ATF6: variants seen among roughly 807,000 people sequenced by gnomAD.
The protein encoded by ATF6 is cyclic AMP-dependent transcription factor ATF-6 alpha.
Under a neutral mutation model 83.6 loss-of-function variants are expected in ATF6, and 53 were observed. The observed-to-expected ratio is 0.63, with a 90% CI of 0.51 to 0.80. The LOEUF (loss-of-function observed/expected upper bound fraction) is 0.80. Among genes scored for constraint, ATF6 ranks in the 30% least tolerant of loss-of-function variants. ATF6 has a pLI of 0.00. For missense variants in ATF6, 744 were observed against 797.9 expected, an observed-to-expected ratio of 0.93 and a Z score of 0.81; for synonymous variants, 288 against 285.8, an observed-to-expected ratio of 1.01 and a Z score of -0.08.
intron 3 of ATF6, among the ~76,000 whole-genome samples, chr1:161,782,794 C>T (rs1009407523): frequency 9.5e-5 from 4 of 42,192 alleles, no homozygotes; most frequent in East Asian, 1.2e-3. Context: ...CTGGTTTTAT[C>T]GTTTGACAAA....
At chr1:161,864,392 G>A (rs1686948401) in intron 14 of ATF6, among the ~76,000 whole-genome samples, 1 of 152,114 alleles carries the variant, frequency 6.6e-6, no homozygotes, top group South Asian at 2.1e-4. Context: ...TATACAGGCG[G>A]CTCTGTAACC....
chr1:161,930,978 C>T (rs951955267), intron 15 of ATF6, among the ~76,000 whole-genome samples: 52 of 151,908 alleles, frequency 3.4e-4, no homozygotes, highest in Non-Finnish European at 8.8e-5. Flanking sequence ...CTGCAACCTT[C>T]GCCTCCCAGG....
chr1:161,813,888 CT>C (rs879715945), intron 7 of ATF6, among the ~76,000 whole-genome samples: 235 of 142,790 alleles, frequency 1.6e-3, no homozygotes, highest in Non-Finnish European at 1.6e-3. Flanking sequence ...TCTTTTCTTT[CT>C]TTTTTTTTTT....
intron 9 of ATF6, among the ~76,000 whole-genome samples, chr1:161,837,110 A>T (rs1043304450): frequency 2.0e-5 from 3 of 152,220 alleles, no homozygotes; most frequent in African/African-American, 7.2e-5. Context: ...GTGCTGCAGA[A>T]CATAAATAAT....
intron 14 of ATF6, among the ~76,000 whole-genome samples, chr1:161,888,152 A>G (rs993061061): frequency 7.9e-5 from 12 of 152,382 alleles, no homozygotes; most frequent in African/African-American, 2.4e-4. Context: ...AAAGGATTTC[A>G]TATTCTATCA....
At chr1:161,867,415 AAAGTT>A (rs1438011221) in intron 14 of ATF6, among the ~76,000 whole-genome samples, 1 of 152,210 alleles carries the variant, frequency 6.6e-6, no homozygotes, top group African/African-American at 2.4e-5. Flanking sequence ...AAGCTCAAAT[AAAGTT>A]AAGAAGAAGA....
At chr1:161,836,468 A>G (rs147043153) in intron 9 of ATF6, among the ~76,000 whole-genome samples, 4 of 152,358 alleles carry the variant, frequency 2.6e-5, no homozygotes, top group African/African-American at 9.6e-5. Context: ...CTGAAGAAAT[A>G]CAATGTATCT....
chr1:161,923,748 C>A lies in ATF6; in HGVS notation c.1804+11368C>A, dbSNP rs1397660094. ...CAGAGGTTTAGATTCAATCAGCTTG[C>A]ATTGATCCTTCTAGGATATTAGTTA... On this transcript the variant is annotated intron_variant, in intron 15 of 15. Transcript: ENST00000367942. 2.0e-5 allele frequency among the ~76,000 whole-genome samples: 3 copies of A among 152,162 alleles called. No individual in the cohort carries two copies. The South Asian group carries it at 6.2e-4, about 32-fold the overall frequency.
At chr1:161,793,234 A>G (rs943147713) in intron 6 of ATF6, among the ~76,000 whole-genome samples, 1 of 152,218 alleles carries the variant, frequency 6.6e-6, no homozygotes, top group Admixed American at 6.5e-5. Flanking sequence ...GTTCTATTAC[A>G]TGGTCATAGA....
chr1:161,943,601 T>C (rs1025762494), intron 15 of ATF6, among the ~76,000 whole-genome samples: 1 of 152,096 alleles, frequency 6.6e-6, no homozygotes, highest in Non-Finnish European at 1.5e-5. Context: ...ATTCCTCAGA[T>C]ACTCAGGGCA....
chr1:161,957,318 G>A (rs1688988362), intron 15 of ATF6, among the ~76,000 whole-genome samples: 1 of 152,078 alleles, frequency 6.6e-6, no homozygotes, highest in African/African-American at 2.4e-5. Flanking sequence ...GTTGTTGCCG[G>A]CAGTTCTTCC....
At chr1:161,837,436 A>G (rs1445585799) in intron 9 of ATF6, among the ~76,000 whole-genome samples, 1 of 152,172 alleles carries the variant, frequency 6.6e-6, no homozygotes, top group East Asian at 1.9e-4. Flanking sequence ...TGTGTTCTGA[A>G]CATAAATTGG....
chr1:161,801,407 T>C (rs1685145822), intron 6 of ATF6, among the ~76,000 whole-genome samples: 1 of 136,792 alleles, frequency 7.3e-6, no homozygotes, highest in Non-Finnish European at 1.6e-5. Context: ...TCTGCCTGCC[T>C]CAGCCTCCTG....
intron 15 of ATF6, among the ~76,000 whole-genome samples, chr1:161,928,627 TA>T (rs56784074): frequency 0.63 from 95,080 of 151,102 alleles, 31,649 homozygotes; most frequent in Non-Finnish European, 0.75. Flanking sequence ...GCCTTTTTTT[TA>T]AAAAAAAAAG....
Position 161,907,515 on chromosome 1 carries a change from A to G in ATF6, c.1720-4781A>G, listed in dbSNP as rs959292792. 2.6e-5 allele frequency among the ~76,000 whole-genome samples: 4 copies of G among 151,992 alleles called. No homozygotes were observed. In the South Asian group the frequency reaches 8.3e-4, roughly 32 times the overall value. On this transcript the variant is annotated intron_variant, in intron 14 of 15. Coordinates refer to ENST00000367942, the MANE Select transcript of ATF6 (RefSeq NM_007348.4). ...ATAGAGGTCTGTGTTGATCTGTGTG[A>G]AAGCTGCTCAGTGTCACAAGTGCAG...
intron 14 of ATF6, among the ~76,000 whole-genome samples, chr1:161,883,381 A>G (rs1025017707): frequency 3.3e-5 from 5 of 152,026 alleles, no homozygotes; most frequent in African/African-American, 1.2e-4. Flanking sequence ...ATTCTAATTC[A>G]GTGCTCATTT....
At chr1:161,863,900 G>C (rs1420829502) in intron 14 of ATF6, among the ~76,000 whole-genome samples, 1 of 152,040 alleles carries the variant, frequency 6.6e-6, no homozygotes, top group Non-Finnish European at 1.5e-5. Flanking sequence ...TAGGCTAAAT[G>C]GAAAAAATGC....
At chr1:161,904,326 G>A (rs533864635) in intron 14 of ATF6, among the ~76,000 whole-genome samples, 11 of 152,186 alleles carry the variant, frequency 7.2e-5, no homozygotes, top group East Asian at 3.9e-4. Context: ...GGTGACTCAC[G>A]CCTGTAATCC....
At chr1:161,862,719 G>A (rs144034313) in intron 13 of ATF6, among the ~76,000 whole-genome samples, 1 of 152,224 alleles carries the variant, frequency 6.6e-6, no homozygotes, top group Non-Finnish European at 1.5e-5. Context: ...CTTGAGAAGT[G>A]AAGCAGGAAT....
Sources: gnomAD v4.1 joint callset for allele counts (sites outside exome capture counted in the v4.1 genomes callset) on GRCh38, gnomAD v4.1.1 for gene constraint, MANE v1.5 for transcripts, NCBI Gene and HGNC (gene_info 2026-07-23, HGNC 2026-07-21) for gene names.